The following IMPG1 variants were observed in gnomAD, a reference collection of about 807,000 sequenced individuals.
IMPG1 encodes interphotoreceptor matrix proteoglycan 1, also known as interphotoreceptor matrix proteoglycan of 150 kDa.
Under a neutral mutation model 92.0 loss-of-function variants are expected in IMPG1, and 85 were observed. The observed-to-expected ratio is 0.92, with a 90% CI of 0.78 to 1.11. The LOEUF (loss-of-function observed/expected upper bound fraction) is 1.11, where lower values mean the gene tolerates loss of function less well. Among genes scored for constraint, IMPG1 ranks in the 50% least tolerant of loss-of-function variants. The pLI is 0.00. For missense variants in IMPG1, 1,022 were observed against 956.0 expected (o/e 1.07, Z -0.91); for synonymous variants, 367 against 334.1 (o/e 1.10, Z -1.08).
At chr6:76,065,084 G>A (rs1428696194) in intron 1 of IMPG1, among the ~76,000 whole-genome samples, 1 of 151,736 alleles carries the variant, frequency 6.6e-6, no homozygotes, top group Non-Finnish European at 1.5e-5. Flanking sequence ...ATCCTGAAGG[G>A]GAAAAAATCC....
rs113927023 is a variant in IMPG1, at chr6:76,034,281, GCA to G, written c.497+32_497+33del. 721 of 1,566,720 alleles carry G rather than the reference GCA, an allele frequency of 4.6e-4. 1 individual carries two copies. Among genetic ancestry groups the G allele is most frequent in the Non-Finnish European group, 5.2e-4 (590 of 1,145,230 alleles). ...TTATATGATCTTTTTAAATTCAAAA[GCA>G]CACACACACACACTCTATTTTGGGT... On this transcript the variant is annotated intron_variant, in intron 4 of 16. Transcript: ENST00000369950.
intron 4 of IMPG1, among the ~76,000 whole-genome samples, chr6:76,026,708 T>C (rs1269046007): frequency 6.6e-6 from 1 of 152,226 alleles, no homozygotes; most frequent in Non-Finnish European, 1.5e-5. Context: ...CATTTTTAAA[T>C]GTTTTTTTTT....
At chr6:75,932,528 G>A (rs1337058665) in intron 14 of IMPG1, among the ~76,000 whole-genome samples, 3 of 152,144 alleles carry the variant, frequency 2.0e-5, no homozygotes, top group Non-Finnish European at 4.4e-5. Flanking sequence ...ACAGAGCCAT[G>A]GAAGGGATAG....
rs1177106315 is a variant in IMPG1, at chr6:76,005,321, T to C, written c.1101A>G (p.Gln367=). 2 of 1,613,890 alleles carry C rather than the reference T, an allele frequency of 1.2e-6. No individual in the cohort carries two copies. The highest frequency in any genetic ancestry group is 1.7e-6 in the Non-Finnish European group (2 of 1,179,904). The change falls in exon 10 of 17, where the codon CAA becomes CAG. Residue 367 remains glutamine (Q), a synonymous_variant. Transcript: ENST00000369950. ...RLISKALEEE[Q]SLDVGTIQFT... ...ACTGAATTGTCCCCACATCCAAAGATTGTTCTTCCTCTAGTGCTTTGCTGA... is the reference window on the plus strand; with the variant it reads ...ACTGAATTGTCCCCACATCCAAAGACTGTTCTTCCTCTAGTGCTTTGCTGA...
chr6:75,950,062 T>C (rs1341095167), intron 13 of IMPG1, among the ~76,000 whole-genome samples: 1 of 152,174 alleles, frequency 6.6e-6, no homozygotes, highest in East Asian at 1.9e-4. Context: ...TTCACTTTCT[T>C]TGTTAGGGAC....
At position 76,003,917 on chromosome 6, in the gene IMPG1, T is replaced by C. The variant is rs187347245; in HGVS notation, c.1169A>G (p.Asp390Gly). 6.9e-5 allele frequency: 111 copies of C among 1,613,296 alleles called. No homozygotes were observed. The Admixed American group carries it at 1.8e-3, about 26-fold the overall frequency. ...AGATGTGGGCAGCTCTGATTGGGTG[T>C]CAGGACCAAAGGCTGGCAGTGATCC... ...IAGSLPAFGP[D>G]TQSELPTSFA... The change falls in exon 11 of 17, where the codon GAC (aspartate) becomes GGC (glycine). Residue 390 changes from aspartate to glycine, a missense_variant. This residue lies in a region of IMPG1 where 681 missense variants were observed against 583.6 expected (regional missense o/e 1.17). Transcript: ENST00000369950.
intron 1 of IMPG1, among the ~76,000 whole-genome samples, chr6:76,055,430 A>G (rs541445717): frequency 1.1e-3 from 162 of 152,156 alleles, no homozygotes; most frequent in African/African-American, 3.8e-3. Flanking sequence ...AAATGATATC[A>G]TCAAAATGTT....
At chr6:76,070,774 G>C (rs1365800154) in intron 1 of IMPG1, among the ~76,000 whole-genome samples, 3 of 152,010 alleles carry the variant, frequency 2.0e-5, no homozygotes, top group East Asian at 3.9e-4. Flanking sequence ...GTATACACAA[G>C]AAAGACATAG....
At chr6:75,940,760 G>A (rs9360963) in intron 14 of IMPG1, among the ~76,000 whole-genome samples, 25,067 of 152,012 alleles carry the variant, frequency 0.16, 2,149 homozygotes, top group East Asian at 0.27. Flanking sequence ...AGCTATCTTC[G>A]CTCCCTTCAC....
At chr6:75,939,218 C>T (rs1373262048) in intron 14 of IMPG1, among the ~76,000 whole-genome samples, 1 of 152,094 alleles carries the variant, frequency 6.6e-6, no homozygotes, top group Admixed American at 6.6e-5. Context: ...TAAAATTATA[C>T]TTTAAGTTTT....
In IMPG1 at chr6:75,985,094, G is replaced by A. The variant is rs1782691120; in HGVS notation, c.1291+17824C>T. On this transcript the variant is annotated intron_variant, in intron 12 of 16. Coordinates refer to ENST00000369950, the MANE Select transcript of IMPG1 (RefSeq NM_001563.4). Reference sequence around the variant, plus strand: ...CACACAATAAATATATACAATTTTTGTCATTTAAATATAAACAAATAAAGA... The same window carrying A: ...CACACAATAAATATATACAATTTTTATCATTTAAATATAAACAAATAAAGA... 3.3e-5 allele frequency among the ~76,000 whole-genome samples: 5 copies of A among 152,224 alleles called. No individual in the cohort carries two copies. The South Asian group carries it at 8.3e-4, about 25-fold the overall frequency.
At chr6:76,017,220 C>A (rs1783306234) in intron 7 of IMPG1, among the ~76,000 whole-genome samples, 1 of 149,716 alleles carries the variant, frequency 6.7e-6, no homozygotes, top group African/African-American at 2.5e-5. Context: ...AGGCAGAGAT[C>A]TTATTATGGT....
chr6:75,948,916 G>A (rs953347921), intron 13 of IMPG1, among the ~76,000 whole-genome samples: 1 of 152,272 alleles, frequency 6.6e-6, no homozygotes, highest in African/African-American at 2.4e-5. Flanking sequence ...ATGTACCAAT[G>A]ACCCAGCTTT....
rs764980808 is a variant in IMPG1, at chr6:76,011,152, A to G, written c.866+14T>C. On this transcript the variant is annotated intron_variant, in intron 8 of 16. Transcript: ENST00000369950. Reference sequence around the variant, plus strand: ...TAATTTAAAAATTGAGAAGAGTTTGATTCTCTTACTTACCTAAATCCTAAC... The same window carrying G: ...TAATTTAAAAATTGAGAAGAGTTTGGTTCTCTTACTTACCTAAATCCTAAC... 4.4e-6 allele frequency: 6 copies of G among 1,367,154 alleles called. No individual in the cohort carries two copies. In the Admixed American group the frequency reaches 5.2e-5, roughly 12 times the overall value. The allele number at this position is 1,367,154 out of a possible 1,614,324, so 84.7% of individuals were successfully genotyped here.
intron 1 of IMPG1, among the ~76,000 whole-genome samples, chr6:76,063,840 G>A (rs1784252418): frequency 6.6e-6 from 1 of 152,202 alleles, no homozygotes; most frequent in Non-Finnish European, 1.5e-5. Flanking sequence ...AAAGAGTGCA[G>A]TGCACCAAGG....
In IMPG1 at chr6:76,033,386, G is replaced by T. The variant is rs758941018; in HGVS notation, c.497+929C>A. On this transcript the variant is annotated intron_variant, in intron 4 of 16. Coordinates refer to ENST00000369950, the MANE Select transcript of IMPG1 (RefSeq NM_001563.4). ...CAGACACGGAGGTGGGCTGGAAAAG[G>T]TTGGGAGTGGATATTCAGAATGGCA... Among the ~76,000 whole-genome samples, 42 of 152,222 alleles carry T rather than the reference G, an allele frequency of 2.8e-4. 1 individual carries two copies. Among genetic ancestry groups the T allele is most frequent in the Non-Finnish European group, 4.4e-5 (3 of 68,046 alleles).
intron 12 of IMPG1, among the ~76,000 whole-genome samples, chr6:75,959,308 C>T (rs958946862): frequency 6.6e-6 from 1 of 152,146 alleles, no homozygotes; most frequent in African/African-American, 2.4e-5. Flanking sequence ...CTGTCGACCC[C>T]TGCTGGGAGG....
intron 12 of IMPG1, among the ~76,000 whole-genome samples, chr6:75,970,789 T>C (rs886252035): frequency 6.6e-6 from 1 of 152,228 alleles, no homozygotes; most frequent in Non-Finnish European, 1.5e-5. Context: ...TTTATTCCAA[T>C]ACTATTGAAA....
chr6:76,023,959 A>G (rs1783479209), intron 5 of IMPG1, among the ~76,000 whole-genome samples: 1 of 152,170 alleles, frequency 6.6e-6, no homozygotes, highest in African/African-American at 2.4e-5. Context: ...ACATGTTTAT[A>G]TGCTCCTCCT....
Sources: allele counts gnomAD v4.1 joint callset (sites outside exome capture counted in the v4.1 genomes callset), GRCh38; gene constraint gnomAD v4.1.1; regional missense constraint gnomAD v4.1.1; transcripts MANE v1.5; gene names NCBI Gene and HGNC (gene_info 2026-07-23, HGNC 2026-07-21).